The following ASPH variants were observed in gnomAD, a reference collection of about 807,000 sequenced individuals.
The protein encoded by ASPH is aspartyl/asparaginyl beta-hydroxylase.
In ASPH, 100 loss-of-function variants were observed where a neutral mutation model predicts 118.4. The ratio of observed to expected loss-of-function variants is 0.84; its 90% CI spans 0.72 to 1.00. The LOEUF (loss-of-function observed/expected upper bound fraction) is 1.00. ASPH is among the 50% of genes least tolerant of loss of function. ASPH has a pLI of 0.00. For synonymous variants in ASPH, 315 were observed against 325.6 expected (o/e 0.97, Z 0.35); for missense variants, 920 against 919.5 (o/e 1.00, Z -0.01).
intron 15 of ASPH, among the ~76,000 whole-genome samples, chr8:61,580,828 GA>G (rs1253892021): frequency 2.0e-5 from 3 of 152,114 alleles, no homozygotes; most frequent in Non-Finnish European, 4.4e-5. Flanking sequence ...GATAATCCAG[GA>G]TAATCTCTCT....
chr8:61,670,674 C>T (rs1821998795), intron 3 of ASPH, among the ~76,000 whole-genome samples: 1 of 151,238 alleles, frequency 6.6e-6, no homozygotes, highest in African/African-American at 2.4e-5. Flanking sequence ...AAGCTAAGTT[C>T]ATAACAGGAG....
At position 61,518,178 on chromosome 8, in the gene ASPH, C is replaced by A. The variant is rs1811583776; in HGVS notation, c.1901-55G>T. The stretch of plus-strand genomic sequence containing the variant: ...AAATCACAGTAAAGCTTAAACTTAT[C>A]CCATTTAGATGAGGTGAGAGCTATA... On this transcript the variant is annotated intron_variant, in intron 22 of 24. Coordinates refer to ENST00000379454, the MANE Select transcript of ASPH (RefSeq NM_004318.4). 2.0e-6 allele frequency: 3 copies of A among 1,510,852 alleles called. No homozygotes were observed. In the Admixed American group the frequency reaches 5.1e-5, roughly 26 times the overall value. 93.6% of individuals were successfully genotyped at this position (1,510,852 alleles called of 1,614,324 possible). A position where few individuals can be genotyped will look rare whatever the true frequency, so the allele number is the denominator to read the frequency against.
intron 14 of ASPH, among the ~76,000 whole-genome samples, chr8:61,614,413 T>C (rs1848390650): frequency 6.6e-6 from 1 of 152,234 alleles, no homozygotes; most frequent in East Asian, 1.9e-4. Flanking sequence ...CCTTTGATAA[T>C]ATACTAAATC....
chr8:61,539,733 T>TGG (rs1278291099), intron 21 of ASPH, among the ~76,000 whole-genome samples: 6 of 151,582 alleles, frequency 4.0e-5, no homozygotes, highest in African/African-American at 1.5e-4. Context: ...TGTGTGTGTG[T>TGG]GTGTGTGTCT....
At chr8:61,669,701 C>T (rs887099916) in intron 3 of ASPH, among the ~76,000 whole-genome samples, 2 of 152,134 alleles carry the variant, frequency 1.3e-5, no homozygotes, top group African/African-American at 4.8e-5. Flanking sequence ...ACTTCTAGTA[C>T]CGCTATGTTC....
intron 15 of ASPH, among the ~76,000 whole-genome samples, chr8:61,580,434 T>C (rs990714610): frequency 2.0e-5 from 3 of 152,232 alleles, no homozygotes; most frequent in Non-Finnish European, 4.4e-5. Context: ...CCTCAATTCC[T>C]GACTTCTGTG....
At chr8:61,576,693 TAGTG>T (rs1480559183) in intron 16 of ASPH, 75 bp downstream of exon 16, 1 of 1,247,220 alleles carries the variant, frequency 8.0e-7, no homozygotes, top group African/African-American at 1.5e-5. Flanking sequence ...AAAGGGAAAA[TAGTG>T]AGGAGTAAAA....
chr8:61,673,325 G>A (rs1046592906), intron 3 of ASPH, among the ~76,000 whole-genome samples: 3 of 152,132 alleles, frequency 2.0e-5, no homozygotes, highest in African/African-American at 7.2e-5. Flanking sequence ...CACCACTCAT[G>A]TCCCAAAGCA....
intron 11 of ASPH, 47 bp downstream of exon 11, chr8:61,638,275 A>G: frequency 6.3e-7 from 1 of 1,581,862 alleles, no homozygotes; most frequent in South Asian, 1.2e-5. Flanking sequence ...AACAAAATAC[A>G]GGGAAAGCTG....
At chr8:61,539,699 G>GGGGGGTGT (rs1554618405) in intron 21 of ASPH, among the ~76,000 whole-genome samples, 4 of 124,214 alleles carry the variant, frequency 3.2e-5, no homozygotes, top group African/African-American at 5.6e-5. Flanking sequence ...ACACTTCTGG[G>GGGGGGTGT]GTGTGTGTGT....
In ASPH at chr8:61,679,963, A is replaced by AAAC. The variant is rs1563554674; in HGVS notation, c.322+1002_322+1004dup. Among the ~76,000 whole-genome samples, 23 of 148,436 alleles carry AAAC rather than the reference A, an allele frequency of 1.5e-4. 3 individuals are homozygous for AAAC. Among genetic ancestry groups the AAAC allele is most frequent in the Non-Finnish European group, 2.9e-4 (19 of 66,366 alleles). On this transcript the variant is annotated intron_variant, in intron 3 of 24. Coordinates refer to ENST00000379454, the MANE Select transcript of ASPH (RefSeq NM_004318.4). ...ATAATAAAAAAAAAAAAAAAACAAA[A>AAAC]AACACCAACACAGGTCAACATTAGG...
chr8:61,675,572 A>T, intron 3 of ASPH: 1 of 980,074 alleles, frequency 1.0e-6, no homozygotes, highest in African/African-American at 1.7e-5. Flanking sequence ...ACAATAAAAA[A>T]TATCAGCTTA....
At chr8:61,633,772 AG>A (rs1564105668) in intron 12 of ASPH, 45 bp from the exon 13 acceptor site, 1 of 1,380,554 alleles carries the variant, frequency 7.2e-7, no homozygotes, top group Non-Finnish European at 9.9e-7. Context: ...ATTGCTGATC[AG>A]TGTTTAAAAT....
chr8:61,672,957 A>C lies in ASPH; in HGVS notation c.322+8011T>G, dbSNP rs1000488630. On this transcript the variant is annotated intron_variant, in intron 3 of 24. Transcript: ENST00000379454. ...GGGTCATGGAGCATCAATTCCCAAAAAGTTAACTGTCAAGTGACCAAATTA... is the reference window on the plus strand; with the variant it reads ...GGGTCATGGAGCATCAATTCCCAAACAGTTAACTGTCAAGTGACCAAATTA... Among the ~76,000 whole-genome samples, 3 of 152,190 alleles carry C rather than the reference A, an allele frequency of 2.0e-5. No individual in the cohort carries two copies. The South Asian group carries it at 6.2e-4, about 32-fold the overall frequency.
At chr8:61,641,032 G>A (rs749942527) in intron 10 of ASPH, among the ~76,000 whole-genome samples, 1 of 152,124 alleles carries the variant, frequency 6.6e-6, no homozygotes, top group Non-Finnish European at 1.5e-5. Flanking sequence ...TTTCACAAAG[G>A]TATTGTTTTA....
At chr8:61,595,430 T>C (rs987354714) in intron 14 of ASPH, among the ~76,000 whole-genome samples, 1 of 152,232 alleles carries the variant, frequency 6.6e-6, no homozygotes, top group Non-Finnish European at 1.5e-5. Context: ...GGGATGTAAA[T>C]CTATTATTTG....
intron 1 of ASPH, among the ~76,000 whole-genome samples, chr8:61,707,619 T>C (rs1291551833): frequency 6.6e-6 from 1 of 152,150 alleles, no homozygotes; most frequent in Non-Finnish European, 1.5e-5. Flanking sequence ...CTCAGACATG[T>C]ATGCATGGGG....
chr8:61,609,444 C>T (rs550183959), intron 14 of ASPH, among the ~76,000 whole-genome samples: 6 of 152,200 alleles, frequency 3.9e-5, no homozygotes, highest in South Asian at 2.1e-4. Context: ...CACTGCTGAC[C>T]GGGCATGGTA....
chr8:61,553,178 T>A, intron 19 of ASPH, 58 bp from the exon 20 acceptor site: 1 of 1,310,316 alleles, frequency 7.6e-7, no homozygotes, highest in Admixed American at 1.8e-5. Flanking sequence ...TTCCATTAAT[T>A]GATTTACATA....
Sources: gnomAD v4.1 joint callset for allele counts (sites outside exome capture counted in the v4.1 genomes callset) on GRCh38, gnomAD v4.1.1 for gene constraint, MANE v1.5 for transcripts, NCBI Gene and HGNC (gene_info 2026-07-23, HGNC 2026-07-21) for gene names.